The following POTEH variants were observed in gnomAD, a reference collection of about 807,000 sequenced individuals.
POTEH encodes the protein POTE ankyrin domain family member H.
A neutral mutation model predicts 41.7 loss-of-function variants in POTEH; 6 were observed. The ratio of observed to expected loss-of-function variants is 0.14; its 90% CI spans 0.08 to 0.28. The LOEUF (loss-of-function observed/expected upper bound fraction) is 0.28. Among genes scored for constraint, POTEH ranks in the 10% least tolerant of loss-of-function variants. POTEH has a pLI of 1.00. For synonymous variants in POTEH, 38 were observed against 179.9 expected (o/e 0.21, Z 6.31); for missense variants, 115 against 533.5 (o/e 0.22, Z 7.73).
At chr22:15,703,475 CT>C in intron 6 of POTEH, 1 of 111,170 alleles carries the variant, frequency 9.0e-6, no homozygotes, top group East Asian at 3.4e-4. Context: ...GATATATTGA[CT>C]TTTTTGGAAC....
chr22:15,710,327 C>A (rs1182212577), intron 8 of POTEH, among the ~76,000 whole-genome samples: 1 of 151,938 alleles, frequency 6.6e-6, no homozygotes, highest in Non-Finnish European at 1.5e-5. Context: ...TTTTGATATC[C>A]TAGGAACCTA....
chr22:15,713,190 C>T (rs1386172489), intron 9 of POTEH, among the ~76,000 whole-genome samples: 11 of 152,376 alleles, frequency 7.2e-5, no homozygotes, highest in African/African-American at 2.6e-4. Context: ...ATCTCAATGC[C>T]AGTAAGTCTT....
intron 1 of POTEH, among the ~76,000 whole-genome samples, chr22:15,692,526 C>A (rs1188917235): frequency 5.8e-4 from 79 of 135,392 alleles, no homozygotes; most frequent in Non-Finnish European, 9.6e-4. Flanking sequence ...GAGGCTGAGG[C>A]AGGTGGATCA....
At chr22:15,704,041 G>A (rs1310974441) in intron 6 of POTEH, among the ~76,000 whole-genome samples, 1 of 152,182 alleles carries the variant, frequency 6.6e-6, no homozygotes, top group African/African-American at 2.4e-5. Context: ...TTTATTCAGT[G>A]CTTACTGTGT....
chr22:15,707,965 GTTT>G (rs1453976855), intron 6 of POTEH, 52 bp from the exon 7 acceptor site: 1 of 674,414 alleles, frequency 1.5e-6, no homozygotes, highest in East Asian at 3.5e-5. Context: ...AAAGGCAATA[GTTT>G]TTAACTGTTG....
intron 6 of POTEH, among the ~76,000 whole-genome samples, chr22:15,704,111 CAT>C (rs1989619768): frequency 6.9e-6 from 1 of 145,632 alleles, no homozygotes; most frequent in Non-Finnish European, 1.5e-5. Context: ...ATGTGCCAGA[CAT>C]ATGTGATGAG....
chr22:15,691,979 CAG>C (rs1240239653), intron 1 of POTEH, among the ~76,000 whole-genome samples: 13 of 90,204 alleles, frequency 1.4e-4, no homozygotes, highest in African/African-American at 5.2e-4. Flanking sequence ...TTTACATATG[CAG>C]ATACATATAT....
intron 9 of POTEH, among the ~76,000 whole-genome samples, chr22:15,713,348 G>T (rs5992019): frequency 6.6e-6 from 1 of 151,736 alleles, no homozygotes; most frequent in African/African-American, 2.4e-5. Context: ...CCCTAACGGC[G>T]TCTTCACTTG....
At chr22:15,691,025 C>T (rs1989294482) in intron 1 of POTEH, among the ~76,000 whole-genome samples, 1 of 142,732 alleles carries the variant, frequency 7.0e-6, no homozygotes, top group African/African-American at 2.5e-5. Flanking sequence ...ATGTTCTATA[C>T]ATTAAAAAAG....
At chr22:15,713,633 G>A (rs1989866525) in intron 9 of POTEH, among the ~76,000 whole-genome samples, 1 of 152,274 alleles carries the variant, frequency 6.6e-6, no homozygotes, top group Non-Finnish European at 1.5e-5. Context: ...CTGAGTAGCT[G>A]GGATTACAGG....
At chr22:15,710,540 G>A (rs1200343954) in intron 8 of POTEH, among the ~76,000 whole-genome samples, 1 of 152,218 alleles carries the variant, frequency 6.6e-6, no homozygotes, top group Non-Finnish European at 1.5e-5. Flanking sequence ...GTCAAATGGG[G>A]GTAAATACAT....
intron 3 of POTEH, 149 bp downstream of exon 3, chr22:15,695,967 T>G: frequency 7.7e-6 from 1 of 129,118 alleles, no homozygotes; most frequent in South Asian, 1.4e-4. Flanking sequence ...AGATTTTATT[T>G]TAAATATTGT....
chr22:15,711,293 T>C (rs1363059034), intron 9 of POTEH, among the ~76,000 whole-genome samples: 1 of 152,108 alleles, frequency 6.6e-6, no homozygotes, highest in Non-Finnish European at 1.5e-5. Context: ...ATGTGCAGGT[T>C]TATTATATAG....
chr22:15,708,507 C>CT, intron 7 of POTEH, among the ~76,000 whole-genome samples: 1 of 20,494 alleles, frequency 4.9e-5, no homozygotes. Flanking sequence ...AAGCAAGACT[C>CT]TGTGTCAAAA....
chr22:15,708,243 G>T (rs112076256), intron 7 of POTEH, among the ~76,000 whole-genome samples, 153 bp downstream of exon 7: 1 of 57,640 alleles, frequency 1.7e-5, no homozygotes, highest in Non-Finnish European at 3.4e-5. Context: ...TTGGCTGGGG[G>T]GGTGGCTCAT....
At position 15,692,725 on chromosome 22, in the gene POTEH, G is replaced by A. The variant is rs536156979; in HGVS notation, c.632+2016G>A. ...AGCCGAGATCGTGCCACTACATTCCGGCATGGGTGACAGAGTGAGACCCCA... is the reference window on the plus strand; with the variant it reads ...AGCCGAGATCGTGCCACTACATTCCAGCATGGGTGACAGAGTGAGACCCCA... On this transcript the variant is annotated intron_variant, in intron 1 of 10. Transcript: ENST00000343518. Among the ~76,000 whole-genome samples, 8 of 124,364 alleles carry A rather than the reference G, an allele frequency of 6.4e-5. 2 individuals are homozygous for A. Among genetic ancestry groups the A allele is most frequent in the East Asian group, 6.2e-4 (3 of 4,810 alleles). 81.6% of individuals were successfully genotyped at this position (124,364 alleles called of 152,430 possible).
At chr22:15,713,770 G>A (rs1445085131) in intron 9 of POTEH, among the ~76,000 whole-genome samples, 1 of 152,308 alleles carries the variant, frequency 6.6e-6, no homozygotes, top group African/African-American at 2.4e-5. Context: ...GAAGTGTTGG[G>A]ATTACAGGCA....
intron 3 of POTEH, among the ~76,000 whole-genome samples, chr22:15,696,436 TTGTA>T (rs1255834387): frequency 4.2e-5 from 6 of 142,672 alleles, no homozygotes; most frequent in African/African-American, 7.9e-5. Flanking sequence ...TTTATTTCCT[TTGTA>T]TGGTGAGACA....
At chr22:15,720,674 C>T in intron 10 of POTEH, among the ~76,000 whole-genome samples, 1 of 12,586 alleles carries the variant, frequency 7.9e-5, no homozygotes, top group Non-Finnish European at 1.5e-4. Flanking sequence ...TGCTTAGATA[C>T]AGATGTGTAC....
Sources: gnomAD v4.1 joint callset for allele counts (sites outside exome capture counted in the v4.1 genomes callset) on GRCh38, gnomAD v4.1.1 for gene constraint, MANE v1.5 for transcripts, NCBI Gene and HGNC (gene_info 2026-07-23, HGNC 2026-07-21) for gene names.